AGAP1: variants seen among roughly 807,000 people sequenced by gnomAD.
AGAP1 encodes ArfGAP with GTPase domain, ankyrin repeat and PH domain 1.
A neutral mutation model predicts 105.3 loss-of-function variants in AGAP1; 29 were observed. The ratio of observed to expected loss-of-function variants is 0.28; its 90% confidence interval spans 0.21 to 0.38. The LOEUF is 0.38. AGAP1 is among the 10% of genes least tolerant of loss of function. AGAP1 has a pLI of 1.00. For synonymous variants in AGAP1, 509 were observed against 485.9 expected (o/e 1.05, Z -0.63); for missense variants, 998 against 1,165.1 (o/e 0.86, Z 2.09).
chr2:235,843,920 C>G lies in AGAP1; in HGVS notation c.1050+36589C>G, dbSNP rs1961162555. ...GGTGTGGAGCTGGCCGAGAAAGGAGCCTGCTTCCCAGCATGGCCTCACATT... is the reference window on the plus strand; with the variant it reads ...GGTGTGGAGCTGGCCGAGAAAGGAGGCTGCTTCCCAGCATGGCCTCACATT... On this transcript the variant is annotated intron_variant, in intron 9 of 17. Transcript: ENST00000304032. This position sits in a 1 kb window ranked among gnomAD's most constrained non-coding sequence, Gnocchi z 5.9. 6.6e-6 allele frequency among the ~76,000 whole-genome samples: 1 copy of G among 152,196 alleles called. No homozygotes were observed. The highest frequency in any genetic ancestry group is 6.5e-5 in the Admixed American group (1 of 15,290).
intron 1 of AGAP1, among the ~76,000 whole-genome samples, chr2:235,568,844 C>G (rs1944430141): frequency 6.6e-6 from 1 of 152,178 alleles, no homozygotes; most frequent in Non-Finnish European, 1.5e-5. Flanking sequence ...TCCTGAAAGG[C>G]AGCAGCGGAT....
At chr2:235,743,344 G>A (rs1952700870) in intron 4 of AGAP1, among the ~76,000 whole-genome samples, 3 of 152,146 alleles carry the variant, frequency 2.0e-5, no homozygotes, top group African/African-American at 7.2e-5. Flanking sequence ...TTCAGCTCCC[G>A]GCTCGGGAAC....
chr2:236,099,799 G>A (rs2059301061), intron 16 of AGAP1, among the ~76,000 whole-genome samples: 1 of 152,152 alleles, frequency 6.6e-6, no homozygotes, highest in Admixed American at 6.5e-5. Context: ...CAGCACTGTG[G>A]GAGGCTGAGA....
At chr2:235,783,054 A>G (rs1451628481) in intron 6 of AGAP1, among the ~76,000 whole-genome samples, 6 of 103,862 alleles carry the variant, frequency 5.8e-5, no homozygotes, top group South Asian at 3.5e-4. Context: ...GTGTGTGTCT[A>G]GGTTGCAGAG....
chr2:235,518,226 A>G (rs891803592), intron 1 of AGAP1, among the ~76,000 whole-genome samples: 3 of 152,216 alleles, frequency 2.0e-5, no homozygotes, highest in African/African-American at 4.8e-5. Context: ...CCACGTGAAG[A>G]CAGTGGAGCT....
At chr2:235,812,929 G>A (rs369345823) in intron 9 of AGAP1, among the ~76,000 whole-genome samples, 9 of 152,344 alleles carry the variant, frequency 5.9e-5, no homozygotes, top group East Asian at 1.9e-4. Flanking sequence ...GTGAACTGCC[G>A]TGCCCTGCAA....
At chr2:236,015,008 G>GC in intron 13 of AGAP1, 2 of 255,598 alleles carry the variant, frequency 7.8e-6, no homozygotes, top group Non-Finnish European at 8.4e-6. Context: ...CTCCCTTATT[G>GC]TGTTTGCAGA....
intron 16 of AGAP1, among the ~76,000 whole-genome samples, chr2:236,098,756 C>T (rs908338116): frequency 6.6e-6 from 1 of 151,106 alleles, no homozygotes; most frequent in African/African-American, 2.4e-5. Flanking sequence ...TCCCCAGTAG[C>T]TGGGACTACA....
intron 1 of AGAP1, among the ~76,000 whole-genome samples, chr2:235,697,053 C>G (rs369584414): frequency 3.3e-5 from 5 of 152,178 alleles, no homozygotes; most frequent in African/African-American, 1.2e-4. Context: ...GTTATTTTAG[C>G]TGAACCTTCC....
chr2:235,860,633 T>G (rs1170105831), intron 9 of AGAP1, among the ~76,000 whole-genome samples: 1 of 152,216 alleles, frequency 6.6e-6, no homozygotes, highest in East Asian at 1.9e-4. Context: ...GTACAATGTT[T>G]TGCTTTACAG....
intron 9 of AGAP1, chr2:235,852,890 C>T: frequency 7.5e-7 from 1 of 1,338,286 alleles, no homozygotes. Context: ...TCCAGATCGG[C>T]CGATAGCTTG....
Position 235,691,095 on chromosome 2 carries a change from C to G in AGAP1, c.164-18084C>G, listed in dbSNP as rs1326455137. Among the ~76,000 whole-genome samples, 1 of 152,166 alleles carries G rather than the reference C, an allele frequency of 6.6e-6. No homozygotes were observed. On this transcript the variant is annotated intron_variant, in intron 1 of 17. Transcript: ENST00000304032. The surrounding 1 kb of genome is among the most constrained non-coding windows in gnomAD (Gnocchi z 4.4). Reference sequence around the variant, plus strand: ...ACAAGATTCTACCCCCTCCTCCAGACTCTGCTCCCTAGGCCGAGGTGAGGC... The same window carrying G: ...ACAAGATTCTACCCCCTCCTCCAGAGTCTGCTCCCTAGGCCGAGGTGAGGC...
intron 9 of AGAP1, among the ~76,000 whole-genome samples, chr2:235,810,149 T>C (rs898587773): frequency 3.3e-5 from 5 of 152,282 alleles, no homozygotes; most frequent in Admixed American, 6.5e-5. Flanking sequence ...GACAAAAATA[T>C]CTTACGACTG....
chr2:235,598,758 C>T (rs1945628998), intron 1 of AGAP1, among the ~76,000 whole-genome samples: 1 of 152,048 alleles, frequency 6.6e-6, no homozygotes, highest in African/African-American at 2.4e-5. Context: ...TGGCCCAGGG[C>T]TGTGTGTTTG....
chr2:235,638,529 A>G (rs535997336), intron 1 of AGAP1, among the ~76,000 whole-genome samples: 10 of 152,388 alleles, frequency 6.6e-5, no homozygotes, highest in African/African-American at 1.9e-4. Context: ...AAAACAAGTT[A>G]TAAAATAGTA....
At chr2:235,543,146 TG>T (rs1294814055) in intron 1 of AGAP1, among the ~76,000 whole-genome samples, 4 of 120,594 alleles carry the variant, frequency 3.3e-5, no homozygotes, top group Non-Finnish European at 6.6e-5. Context: ...TGTTGGGTGT[TG>T]GGTGTTGGGT....
Position 235,944,883 on chromosome 2 carries a change from T to G in AGAP1, c.1483+13960T>G, listed in dbSNP as rs192255633. Among the ~76,000 whole-genome samples, 29 of 152,288 alleles carry G rather than the reference T, an allele frequency of 1.9e-4. No individual in the cohort carries two copies. In the East Asian group the frequency reaches 4.3e-3, roughly 22 times the overall value. On this transcript the variant is annotated intron_variant, in intron 12 of 17. Transcript: ENST00000304032. The stretch of plus-strand genomic sequence containing the variant: ...AAAATTATCATCCTACACCACCTTC[T>G]GAAGCAGTCAAGGTTTGGGTTATTA...
chr2:235,528,169 C>G (rs1330754994), intron 1 of AGAP1, among the ~76,000 whole-genome samples: 2 of 152,102 alleles, frequency 1.3e-5, no homozygotes, highest in Non-Finnish European at 2.9e-5. Context: ...GAAAGTTTTA[C>G]CAATTTACCC....
intron 9 of AGAP1, among the ~76,000 whole-genome samples, chr2:235,817,820 C>T (rs1299840043): frequency 2.0e-5 from 3 of 152,096 alleles, no homozygotes; most frequent in Non-Finnish European, 2.9e-5. Flanking sequence ...GAACCCGGGA[C>T]GGGGAGGTTG....
Sources: allele counts gnomAD v4.1 joint callset (sites outside exome capture counted in the v4.1 genomes callset), GRCh38; gene constraint gnomAD v4.1.1; non-coding constraint Gnocchi (gnomAD v3.1); transcripts MANE v1.5; gene names NCBI Gene and HGNC (gene_info 2026-07-23, HGNC 2026-07-21).